Variants in MGMT observed in about 807,000 individuals in gnomAD.
MGMT encodes methylated-DNA--protein-cysteine methyltransferase.
A neutral mutation model predicts 15.9 loss-of-function variants in MGMT; 14 were observed. That is an observed-to-expected ratio of 0.88 (90% confidence interval 0.58 to 1.37). The LOEUF is 1.37. MGMT is among the 40% of genes most tolerant of loss of function. MGMT has a pLI of 0.00. For missense variants in MGMT, 282 were observed against 268.1 expected (o/e 1.05, Z -0.36); for synonymous variants, 130 against 118.2 (o/e 1.10, Z -0.65).
chr10:129,722,896 C>T (rs895894687), intron 3 of MGMT, among the ~76,000 whole-genome samples: 12 of 150,488 alleles, frequency 8.0e-5, no homozygotes, highest in Non-Finnish European at 1.5e-4. Context: ...ATCCCAGCTA[C>T]TCGGGAGGCT....
chr10:129,632,708 A>G (rs959047018), intron 2 of MGMT, among the ~76,000 whole-genome samples: 5 of 151,786 alleles, frequency 3.3e-5, no homozygotes, highest in African/African-American at 9.7e-5. Flanking sequence ...AGTTTGGGGG[A>G]GAGAGGGAGG....
chr10:129,568,605 A>G (rs1384138883), intron 2 of MGMT, among the ~76,000 whole-genome samples: 1 of 152,210 alleles, frequency 6.6e-6, no homozygotes, highest in Non-Finnish European at 1.5e-5. Context: ...ACCACTTTTT[A>G]TAGGCTGAAT....
chr10:129,529,767 T>C (rs59392981), intron 1 of MGMT, among the ~76,000 whole-genome samples: 12,680 of 152,156 alleles, frequency 0.083, 719 homozygotes, highest in East Asian at 0.3. Flanking sequence ...AAGTGGAGAA[T>C]GTTTGCCATC....
chr10:129,483,190 T>C (rs1845376408), intron 1 of MGMT, among the ~76,000 whole-genome samples: 1 of 152,216 alleles, frequency 6.6e-6, no homozygotes, highest in South Asian at 2.1e-4. Flanking sequence ...TTAACAAAAG[T>C]ATGCTTCAAT....
At chr10:129,487,967 G>A (rs1328195932) in intron 1 of MGMT, among the ~76,000 whole-genome samples, 2 of 117,558 alleles carry the variant, frequency 1.7e-5, no homozygotes, top group African/African-American at 3.2e-5. Flanking sequence ...ACACATAGGT[G>A]TATACGCAGG....
chr10:129,747,200 AT>A (rs1460525815), intron 3 of MGMT, among the ~76,000 whole-genome samples: 1 of 152,028 alleles, frequency 6.6e-6, no homozygotes, highest in African/African-American at 2.4e-5. Context: ...TTTCCTGGGT[AT>A]TTTCCCATAG....
intron 3 of MGMT, among the ~76,000 whole-genome samples, chr10:129,753,484 G>T (rs1480796117): frequency 1.3e-5 from 2 of 151,924 alleles, no homozygotes; most frequent in Non-Finnish European, 2.9e-5. Flanking sequence ...TGTCTCACGT[G>T]TTCTCTTTTT....
chr10:129,532,036 T>C lies in MGMT; in HGVS notation c.-12-4205T>C, dbSNP rs1845938873. On this transcript the variant is annotated intron_variant, in intron 1 of 4. Transcript: ENST00000651593. The surrounding 1 kb of genome is among the most constrained non-coding windows in gnomAD (Gnocchi z 5.3). The stretch of plus-strand genomic sequence containing the variant: ...AAACTGGTTGCCTTTTTTCGGTTCT[T>C]GGAATGATTTGGATGGAGCTCACCT... Among the ~76,000 whole-genome samples the C allele has an allele frequency of 6.6e-6, 1 of 152,244 alleles. No homozygotes were observed. Among genetic ancestry groups the C allele is most frequent in the East Asian group, 1.9e-4 (1 of 5,186 alleles).
intron 2 of MGMT, among the ~76,000 whole-genome samples, chr10:129,599,501 C>A (rs1045493382): frequency 1.3e-5 from 2 of 152,192 alleles, no homozygotes; most frequent in Admixed American, 6.5e-5. Flanking sequence ...ATCATCCCTT[C>A]GAGGCAGTGG....
intron 3 of MGMT, among the ~76,000 whole-genome samples, chr10:129,724,079 A>G (rs566463166): frequency 9.9e-5 from 15 of 152,234 alleles, no homozygotes; most frequent in Non-Finnish European, 1.6e-4. Context: ...GAGTGTTCAC[A>G]GCAGCTTTGC....
chr10:129,735,010 G>C lies in MGMT; in HGVS notation c.275-24192G>C, dbSNP rs796498904. Among the ~76,000 whole-genome samples, 160 of 152,196 alleles carry C rather than the reference G, an allele frequency of 1.1e-3. 3 individuals carry two copies. The South Asian group carries it at 0.014, about 13-fold the overall frequency. The stretch of plus-strand genomic sequence containing the variant: ...GCATCAATGTTAATTAAGGATATTG[G>C]TCTAAAATTCTCTTTTTTGGTTGTG... On this transcript the variant is annotated intron_variant, in intron 3 of 4. Coordinates refer to ENST00000651593, the MANE Select transcript of MGMT (RefSeq NM_002412.5).
At chr10:129,711,090 A>G (rs1326240299) in intron 3 of MGMT, among the ~76,000 whole-genome samples, 1 of 152,132 alleles carries the variant, frequency 6.6e-6, no homozygotes. Context: ...ACTGCGCAGT[A>G]CCAAGCCCTC....
intron 1 of MGMT, among the ~76,000 whole-genome samples, chr10:129,530,829 C>T (rs2119748042): frequency 6.6e-6 from 1 of 152,350 alleles, no homozygotes; most frequent in East Asian, 1.9e-4. Flanking sequence ...GGTGCCTTCA[C>T]CCTGGCCTGC....
intron 2 of MGMT, among the ~76,000 whole-genome samples, chr10:129,586,216 AG>A (rs1466459057): frequency 6.6e-6 from 1 of 152,190 alleles, no homozygotes; most frequent in Non-Finnish European, 1.5e-5. Flanking sequence ...CTGTGGATAA[AG>A]GGGGCCACTG....
At chr10:129,568,292 C>G (rs1246416585) in intron 2 of MGMT, among the ~76,000 whole-genome samples, 1 of 152,160 alleles carries the variant, frequency 6.6e-6, no homozygotes, top group Non-Finnish European at 1.5e-5. Flanking sequence ...GCTGTCCTGA[C>G]AGGGGAGCAG....
intron 1 of MGMT, among the ~76,000 whole-genome samples, chr10:129,503,649 C>T (rs1226009986): frequency 3.9e-5 from 6 of 152,274 alleles, no homozygotes; most frequent in South Asian, 2.1e-4. Context: ...TAATTGGCAA[C>T]GAGAATGCAT....
At chr10:129,545,055 T>A (rs1474724374) in intron 2 of MGMT, among the ~76,000 whole-genome samples, 3 of 152,176 alleles carry the variant, frequency 2.0e-5, no homozygotes, top group Non-Finnish European at 4.4e-5. Context: ...GTCACTGCAC[T>A]TCGTCCTTGG....
At chr10:129,707,026 C>T (rs1269913512) in intron 2 of MGMT, among the ~76,000 whole-genome samples, 2 of 152,080 alleles carry the variant, frequency 1.3e-5, no homozygotes, top group Non-Finnish European at 2.9e-5. Context: ...GTTTGGGGGG[C>T]CCACGCGGGC....
At chr10:129,656,788 A>G (rs920153355) in intron 2 of MGMT, among the ~76,000 whole-genome samples, 4 of 152,104 alleles carry the variant, frequency 2.6e-5, no homozygotes, top group Admixed American at 2.0e-4. Context: ...CTCTGTGAGC[A>G]GAGGGATGAC....
Sources: allele counts gnomAD v4.1 joint callset (sites outside exome capture counted in the v4.1 genomes callset), GRCh38; gene constraint gnomAD v4.1.1; non-coding constraint Gnocchi (gnomAD v3.1); transcripts MANE v1.5; gene names NCBI Gene and HGNC (gene_info 2026-07-23, HGNC 2026-07-21).